BPIFB3: variants seen among roughly 807,000 people sequenced by gnomAD.
BPIFB3 encodes the protein BPI fold containing family B member 3.
In BPIFB3, 49 loss-of-function variants were observed where a neutral mutation model predicts 53.1. The ratio of observed to expected loss-of-function variants is 0.92; its 90% confidence interval spans 0.73 to 1.17. The LOEUF is 1.17. BPIFB3 is among the 50% of genes most tolerant of loss of function. The probability of loss-of-function intolerance (pLI) is 0.00; values close to 1 mark genes in which losing one functional copy is unlikely to be tolerated. For missense variants in BPIFB3, 628 were observed against 592.5 expected, an observed-to-expected ratio of 1.06 and a Z score of -0.62; for synonymous variants, 271 against 269.6, an observed-to-expected ratio of 1.01 and a Z score of -0.05.
chr20:33,070,278 A>C (rs1054292109), intron 11 of BPIFB3, among the ~76,000 whole-genome samples: 1 of 152,166 alleles, frequency 6.6e-6, no homozygotes, highest in South Asian at 2.1e-4. Flanking sequence ...GAGGCTAACC[A>C]AGAGACAACC....
chr20:33,053,917 A>G (rs1277861495), upstream of BPIFB3, among the ~76,000 whole-genome samples: 1 of 152,190 alleles, frequency 6.6e-6, no homozygotes, highest in Non-Finnish European at 1.5e-5. Context: ...AGGAACCGAC[A>G]GGAGGCCGGG....
upstream of BPIFB3, among the ~76,000 whole-genome samples, chr20:33,053,929 GC>G (rs1016945735): frequency 6.6e-6 from 1 of 152,188 alleles, no homozygotes; most frequent in Non-Finnish European, 1.5e-5. Flanking sequence ...GAGGCCGGGA[GC>G]CCCCACCTAC....
At chr20:33,068,104 C>T (rs1374845285) in intron 9 of BPIFB3, among the ~76,000 whole-genome samples, 1 of 152,244 alleles carries the variant, frequency 6.6e-6, no homozygotes, top group African/African-American at 2.4e-5. Context: ...TGCAATGGAA[C>T]AAGGGCATAC....
rs1342374449 is a variant in BPIFB3, at chr20:33,066,866, T to G, written c.967T>G (p.Leu323Val). Residue 323 changes from leucine to valine, a missense_variant, in exon 9 of 15, where the codon TTG becomes GTG. Coordinates refer to ENST00000375494, the Ensembl canonical transcript of BPIFB3. Reference sequence around the variant, plus strand: ...ACTGACAACTACAGACCTGGCAGCTTTGCTCCCTGAGGTGAGTGACGCTCT... The same window carrying G: ...ACTGACAACTACAGACCTGGCAGCTGTGCTCCCTGAGGTGAGTGACGCTCT... 4.3e-6 allele frequency: 7 copies of G among 1,614,158 alleles called. No individual in the cohort carries two copies. Among genetic ancestry groups the G allele is most frequent in the Non-Finnish European group, 5.9e-6 (7 of 1,180,012 alleles).
At chr20:33,070,127 T>C (rs1209249731) in intron 11 of BPIFB3, among the ~76,000 whole-genome samples, 172 bp downstream of exon 12, 3 of 152,144 alleles carry the variant, frequency 2.0e-5, no homozygotes, top group Non-Finnish European at 4.4e-5. Context: ...GTCCATGTTA[T>C]AGACAAGGAA....
intron 9 of BPIFB3, 101 bp from the exon 11 acceptor site, chr20:33,068,702 G>A: frequency 2.4e-6 from 3 of 1,237,788 alleles, no homozygotes; most frequent in Non-Finnish European, 3.4e-6. Context: ...TCGTTGCCCA[G>A]CACGTTGCCC....
rs200749582 is a variant in BPIFB3, at chr20:33,072,762, A to T, written c.1370A>T (p.Asn457Ile). ...CCCCTGCCTAAGGTTCTTAATATCA[A>T]TTTTTCCAATTCAGTTCTGGAGATC... Residue 457 changes from asparagine to isoleucine, a missense_variant, in exon 14 of 15, where the codon AAT becomes ATT. Transcript: ENST00000375494. 8 of 1,613,716 alleles carry T rather than the reference A, an allele frequency of 5.0e-6. No homozygotes were observed. In the South Asian group the frequency reaches 6.6e-5, roughly 13 times the overall value.
intron 11 of BPIFB3, 108 bp downstream of exon 12, chr20:33,070,063 G>GA (rs1338215243): frequency 1.5e-6 from 2 of 1,313,116 alleles, no homozygotes; most frequent in African/African-American, 2.9e-5. Context: ...AATTCCAGGT[G>GA]TTTTTCCAGC....
At chr20:33,057,891 A>G (rs1980288063) in intron 2 of BPIFB3, among the ~76,000 whole-genome samples, 2 of 152,202 alleles carry the variant, frequency 1.3e-5, no homozygotes, top group African/African-American at 2.4e-5. Context: ...CACTAACTCA[A>G]TGAGCACCTA....
rs1980460642 is a variant in BPIFB3 at position 33,061,623 on chromosome 20, ACTCAGGTCTCCAAAGC to A, written c.528-143_528-128del. 8.2e-6 allele frequency: 6 copies of A among 727,390 alleles called. No homozygotes were observed. The South Asian group carries it at 1.2e-4, about 14-fold the overall frequency. 45.1% of individuals were successfully genotyped at this position (727,390 alleles called of 1,614,324 possible). ...CCTCGGGAGGAGGAGCCAGGATTTA[ACTCAGGTCTCCAAAGC>A]CGCAGTCAACACCACCCCCAAGAGA... On this transcript the variant is annotated intron_variant, in intron 4 of 14. Transcript: ENST00000375494.
At chr20:33,069,827 G>T (rs1019148991) in intron 10 of BPIFB3, 61 bp from the exon 12 acceptor site, 3 of 1,556,206 alleles carry the variant, frequency 1.9e-6, no homozygotes, top group Non-Finnish European at 1.8e-6. Context: ...GATGGAGGCA[G>T]ACCCGTCCTC....
At chr20:33,071,081 G>A (rs965751762) in intron 11 of BPIFB3, among the ~76,000 whole-genome samples, 172 bp from the exon 13 acceptor site, 2 of 152,126 alleles carry the variant, frequency 1.3e-5, no homozygotes, top group East Asian at 3.9e-4. Context: ...GTCCCTTTGG[G>A]TCCATTTTAC....
At chr20:33,064,983 G>GT in intron 8 of BPIFB3, 138 bp downstream of exon 9, 1 of 928,680 alleles carries the variant, frequency 1.1e-6, no homozygotes, top group Non-Finnish European at 1.6e-6. Flanking sequence ...CAAGTTTAGA[G>GT]TGTGTACACT....
intron 1 of BPIFB3, 62 bp from the exon 3 acceptor site, chr20:33,056,480 G>A: frequency 6.3e-7 from 1 of 1,584,682 alleles, no homozygotes; most frequent in Non-Finnish European, 8.6e-7. Flanking sequence ...GGAGGCAGCT[G>A]CCATGGTCCT....
At chr20:33,059,754 G>A in intron 3 of BPIFB3, 137 bp from the exon 5 acceptor site, 2 of 1,289,240 alleles carry the variant, frequency 1.6e-6, no homozygotes, top group Non-Finnish European at 2.1e-6. Context: ...AGGGTGCAGG[G>A]AAGTGCAAAA....
intron 5 of BPIFB3, among the ~76,000 whole-genome samples, chr20:33,063,165 G>A (rs1980522931): frequency 6.6e-6 from 1 of 152,204 alleles, no homozygotes; most frequent in African/African-American, 2.4e-5. Context: ...TCCAGATCCA[G>A]GCCTGACTCT....
intron 4 of BPIFB3, among the ~76,000 whole-genome samples, chr20:33,060,312 C>A (rs752016472): frequency 3.3e-5 from 5 of 152,178 alleles, no homozygotes; most frequent in Non-Finnish European, 7.3e-5. Context: ...CAGAGCGGGC[C>A]CAGGGTCAGC....
At chr20:33,071,744 C>T (rs1049825607) in intron 12 of BPIFB3, among the ~76,000 whole-genome samples, 10 of 152,250 alleles carry the variant, frequency 6.6e-5, no homozygotes, top group African/African-American at 2.2e-4. Context: ...TTCTCAGAGT[C>T]CCTAAACTGA....
chr20:33,064,328 C>G (rs1980575225), intron 6 of BPIFB3, 129 bp from the exon 8 acceptor site: 4 of 747,816 alleles, frequency 5.3e-6, no homozygotes, highest in Non-Finnish European at 8.9e-6. Flanking sequence ...ATGGGGATGA[C>G]AGTAGCAGCC....
Sources: gnomAD v4.1 joint callset for allele counts (sites outside exome capture counted in the v4.1 genomes callset) on GRCh38, gnomAD v4.1.1 for gene constraint, MANE v1.5 for transcripts, NCBI Gene and HGNC (gene_info 2026-07-23, HGNC 2026-07-21) for gene names.